The following MIPEP variants were observed in gnomAD, a reference collection of about 807,000 sequenced individuals.
MIPEP encodes mitochondrial intermediate peptidase.
Under a neutral mutation model 90.3 loss-of-function variants are expected in MIPEP, and 79 were observed. The ratio of observed to expected loss-of-function variants is 0.87; its 90% CI spans 0.73 to 1.05. The LOEUF (loss-of-function observed/expected upper bound fraction) is 1.05. Among genes scored for constraint, MIPEP ranks in the 50% least tolerant of loss-of-function variants. The probability of loss-of-function intolerance (pLI) is 0.00; values close to 1 mark genes in which losing one functional copy is unlikely to be tolerated. For missense variants in MIPEP, 940 were observed against 905.6 expected (o/e 1.04, Z -0.49); for synonymous variants, 334 against 315.8 (o/e 1.06, Z -0.61).
chr13:23,849,132 G>A (rs1266689346), intron 10 of MIPEP, among the ~76,000 whole-genome samples: 1 of 152,218 alleles, frequency 6.6e-6, no homozygotes, highest in African/African-American at 2.4e-5. Flanking sequence ...CCTCCACAGA[G>A]CACTCCGAGG....
intron 18 of MIPEP, among the ~76,000 whole-genome samples, chr13:23,755,267 C>T (rs1565982585): frequency 6.6e-6 from 1 of 152,254 alleles, no homozygotes; most frequent in Admixed American, 6.5e-5. Flanking sequence ...TTCACTACTT[C>T]ACCTCTGGCA....
At position 23,797,934 on chromosome 13, in the gene MIPEP, C is replaced by A. The variant is rs118005170; in HGVS notation, c.1848+8016G>T. 4.0e-3 allele frequency among the ~76,000 whole-genome samples: 604 copies of A among 152,206 alleles called. 2 individuals are homozygous for A. Among genetic ancestry groups the A allele is most frequent in the Non-Finnish European group, 6.4e-3 (433 of 68,024 alleles). Reference sequence around the variant, plus strand: ...AATAACGAGATGTCTGACAGGACAGCCAGATATAATGATGAATTGGTTAGC... The same window carrying A: ...AATAACGAGATGTCTGACAGGACAGACAGATATAATGATGAATTGGTTAGC... On this transcript the variant is annotated intron_variant, in intron 16 of 18. Transcript: ENST00000382172.
At chr13:23,782,834 G>T (rs1425861988) in intron 16 of MIPEP, among the ~76,000 whole-genome samples, 1 of 151,840 alleles carries the variant, frequency 6.6e-6, no homozygotes, top group Non-Finnish European at 1.5e-5. Flanking sequence ...ACACCTCTAC[G>T]CAAATAAACT....
chr13:23,806,107 C>T, intron 15 of MIPEP, 38 bp from the exon 16 acceptor site: 1 of 1,610,340 alleles, frequency 6.2e-7, no homozygotes, highest in Non-Finnish European at 8.5e-7. Context: ...TTTGGTCGTC[C>T]ATCCTCACAT....
At chr13:23,785,636 A>G (rs939473260) in intron 16 of MIPEP, among the ~76,000 whole-genome samples, 42 of 151,896 alleles carry the variant, frequency 2.8e-4, no homozygotes, top group South Asian at 2.1e-4. Flanking sequence ...AAAAAAAAAA[A>G]AAGAAAAAAA....
chr13:23,869,096 T>C (rs1870664492), intron 7 of MIPEP, among the ~76,000 whole-genome samples, 196 bp downstream of exon 7: 1 of 152,256 alleles, frequency 6.6e-6, no homozygotes, highest in Non-Finnish European at 1.5e-5. Flanking sequence ...TAAAATAAAA[T>C]TCTTTGGTTG....
At chr13:23,751,508 T>C (rs570069342) in intron 18 of MIPEP, among the ~76,000 whole-genome samples, 90 of 152,382 alleles carry the variant, frequency 5.9e-4, no homozygotes, top group African/African-American at 2.1e-3. Context: ...ATAAAGTTAT[T>C]ATTTAGTATC....
At chr13:23,778,001 T>C (rs1286840762) in intron 16 of MIPEP, among the ~76,000 whole-genome samples, 3 of 152,258 alleles carry the variant, frequency 2.0e-5, no homozygotes, top group Non-Finnish European at 4.4e-5. Context: ...ATTTGATTTA[T>C]AGACATCTAT....
At chr13:23,869,157 A>C in intron 7 of MIPEP, 135 bp downstream of exon 7, 1 of 792,016 alleles carries the variant, frequency 1.3e-6, no homozygotes, top group South Asian at 3.7e-5. Flanking sequence ...TTCCTATAAA[A>C]ATACATAGAA....
At chr13:23,790,086 C>T (rs941851280) in intron 16 of MIPEP, among the ~76,000 whole-genome samples, 7 of 152,154 alleles carry the variant, frequency 4.6e-5, no homozygotes, top group Admixed American at 2.0e-4. Context: ...TTTCATGACA[C>T]GGCTGGTTTC....
In MIPEP at chr13:23,756,543, A is replaced by G; in HGVS notation, c.2044+2T>C. 6.2e-7 allele frequency: 1 copy of G among 1,613,972 alleles called. No individual in the cohort carries two copies. Among genetic ancestry groups the G allele is most frequent in the Middle Eastern group, 1.6e-4 (1 of 6,062 alleles). On this transcript the variant is annotated splice_donor_variant, in intron 18 of 18. Coordinates refer to ENST00000382172, the MANE Select transcript of MIPEP (RefSeq NM_005932.4). LOFTEE classifies it high-confidence loss of function. Reference sequence around the variant, plus strand: ...GATGGTGCCATTTTGGTTTTGTTTTACCTTCAACCATGAGCATGGGCTCCC... The same window carrying G: ...GATGGTGCCATTTTGGTTTTGTTTTGCCTTCAACCATGAGCATGGGCTCCC...
chr13:23,781,770 C>A (rs536548914), intron 16 of MIPEP, among the ~76,000 whole-genome samples: 62 of 151,982 alleles, frequency 4.1e-4, no homozygotes, highest in African/African-American at 1.4e-3. Context: ...ATCTACCAAG[C>A]AAATGGAAAA....
chr13:23,888,965 G>T, intron 1 of MIPEP, 167 bp downstream of exon 1: 1 of 632,874 alleles, frequency 1.6e-6, no homozygotes, highest in Non-Finnish European at 2.3e-6. Flanking sequence ...CAAAGCAGAG[G>T]TGACCTTGCC....
intron 2 of MIPEP, among the ~76,000 whole-genome samples, chr13:23,885,925 A>AAG (rs1871460118): frequency 2.6e-5 from 4 of 151,338 alleles, no homozygotes; most frequent in East Asian, 1.9e-4. Context: ...AAAAAAAAAA[A>AAG]AAAGAAAAAG....
At chr13:23,757,954 T>C (rs1371168762) in intron 17 of MIPEP, among the ~76,000 whole-genome samples, 1 of 152,238 alleles carries the variant, frequency 6.6e-6, no homozygotes, top group Admixed American at 6.5e-5. Flanking sequence ...ATTGTTTCCA[T>C]TTGAGAAGCT....
At chr13:23,831,679 T>G (rs1293660108) in intron 14 of MIPEP, among the ~76,000 whole-genome samples, 1 of 152,118 alleles carries the variant, frequency 6.6e-6, no homozygotes, top group Non-Finnish European at 1.5e-5. Flanking sequence ...CCATGAGAAC[T>G]AATCCATTCC....
intron 10 of MIPEP, among the ~76,000 whole-genome samples, chr13:23,849,207 T>C (rs1222029541): frequency 1.3e-5 from 2 of 152,234 alleles, no homozygotes; most frequent in Non-Finnish European, 2.9e-5. Context: ...TCTGCATAGA[T>C]GCTACACATA....
chr13:23,760,410 T>C, intron 16 of MIPEP, 193 bp from the exon 17 acceptor site: 1 of 787,072 alleles, frequency 1.3e-6, no homozygotes, highest in East Asian at 2.6e-5. Flanking sequence ...CTGTGTCTCC[T>C]GAAAATTCAC....
Position 23,883,124 on chromosome 13 carries a change from GATA to G in MIPEP, c.364-1340_364-1338del, listed in dbSNP as rs1421580288. On this transcript the variant is annotated intron_variant, in intron 2 of 18. Transcript: ENST00000382172. ...ATATTTTTAAGATATTAAAAATTCA[GATA>G]ATCTTACTGGCAGGTAATATCTTAA... 1.8e-4 allele frequency among the ~76,000 whole-genome samples: 27 copies of G among 152,004 alleles called. 1 individual carries two copies. The South Asian group carries it at 5.2e-3, about 29-fold the overall frequency.
Sources: gnomAD v4.1 joint callset for allele counts (sites outside exome capture counted in the v4.1 genomes callset) on GRCh38, gnomAD v4.1.1 for gene constraint, MANE v1.5 for transcripts, NCBI Gene and HGNC (gene_info 2026-07-23, HGNC 2026-07-21) for gene names.